Variants in R3HDM2 observed in about 807,000 individuals in gnomAD.
The protein encoded by R3HDM2 is R3H domain-containing protein 2.
A neutral mutation model predicts 124.5 loss-of-function variants in R3HDM2; 38 were observed. The ratio of observed to expected loss-of-function variants is 0.31; its 90% CI spans 0.24 to 0.40. The LOEUF is 0.40. R3HDM2 is among the 10% of genes least tolerant of loss of function. R3HDM2 has a pLI of 1.00. For missense variants in R3HDM2, 869 were observed against 1,236.9 expected, an observed-to-expected ratio of 0.70 and a Z score of 4.46; for synonymous variants, 391 against 448.0, an observed-to-expected ratio of 0.87 and a Z score of 1.61.
At chr12:57,308,815 T>C (rs1037432673) in intron 3 of R3HDM2, among the ~76,000 whole-genome samples, 1 of 152,260 alleles carries the variant, frequency 6.6e-6, no homozygotes, top group Non-Finnish European at 1.5e-5. Context: ...CAAAAGGTCA[T>C]TTAATTATTA....
At position 57,317,647 on chromosome 12, in the gene R3HDM2, A is replaced by G. The variant is rs1324580723; in HGVS notation, c.-35-7184T>C. Among the ~76,000 whole-genome samples the G allele has an allele frequency of 1.2e-4, 16 of 138,352 alleles. No homozygotes were observed. The South Asian group carries it at 1.7e-3, about 14-fold the overall frequency. The allele number at this position is 138,352 out of a possible 152,430, so 90.8% of individuals were successfully genotyped here. On this transcript the variant is annotated intron_variant, in intron 2 of 23. Transcript: ENST00000402412. ...TGGGAGATAGTTAAAAAAAAAAAAAAGGGTATATTAAGAAGATAGTTAAAA... is the reference window on the plus strand; with the variant it reads ...TGGGAGATAGTTAAAAAAAAAAAAAGGGGTATATTAAGAAGATAGTTAAAA...
At chr12:57,306,414 ATT>A (rs34606531) in intron 3 of R3HDM2, among the ~76,000 whole-genome samples, 55,607 of 149,338 alleles carry the variant, frequency 0.37, 11,611 homozygotes, top group Middle Eastern at 0.75. Context: ...CAAGTTGGCT[ATT>A]TTTTTTTTTT....
intron 17 of R3HDM2, chr12:57,268,693 A>G: frequency 2.9e-6 from 2 of 694,080 alleles, no homozygotes; most frequent in Non-Finnish European, 4.7e-6. Context: ...TCCTTTAGCC[A>G]CTACTTTCCT....
chr12:57,295,602 C>T, intron 9 of R3HDM2, 95 bp from the exon 10 acceptor site: 2 of 805,110 alleles, frequency 2.5e-6, no homozygotes, highest in Non-Finnish European at 4.0e-6. Flanking sequence ...AATTACACAA[C>T]TCACACTCAG....
At chr12:57,268,897 C>A (rs770340418) in intron 17 of R3HDM2, 25 bp downstream of exon 17, 1 of 1,609,074 alleles carries the variant, frequency 6.2e-7, no homozygotes, top group Non-Finnish European at 8.5e-7. Context: ...CTGGGGTGAT[C>A]CTTCCCAATG....
chr12:57,326,061 G>A (rs1273996897), intron 2 of R3HDM2, among the ~76,000 whole-genome samples: 1 of 152,066 alleles, frequency 6.6e-6, no homozygotes, highest in Non-Finnish European at 1.5e-5. Flanking sequence ...CTGTTTGGGG[G>A]CACCAGGAAC....
chr12:57,397,955 G>A (rs1268767531), intron 1 of R3HDM2, among the ~76,000 whole-genome samples: 6 of 152,266 alleles, frequency 3.9e-5, no homozygotes, highest in South Asian at 4.1e-4. Flanking sequence ...AGGCTAAGGC[G>A]GGCGAATCAC....
chr12:57,397,632 G>C (rs749532249), intron 1 of R3HDM2, among the ~76,000 whole-genome samples: 1 of 152,086 alleles, frequency 6.6e-6, no homozygotes, highest in Non-Finnish European at 1.5e-5. Flanking sequence ...ACTAGTGCTG[G>C]TCCTAAAACA....
intron 1 of R3HDM2, among the ~76,000 whole-genome samples, chr12:57,420,869 A>G (rs1452625282): frequency 2.0e-5 from 3 of 151,996 alleles, no homozygotes; most frequent in Non-Finnish European, 4.4e-5. Context: ...TCCAGTCCCA[A>G]CTTCTCTGAC....
chr12:57,300,516 A>C (rs2050881164), intron 4 of R3HDM2, among the ~76,000 whole-genome samples: 1 of 152,224 alleles, frequency 6.6e-6, no homozygotes, highest in Non-Finnish European at 1.5e-5. Context: ...GCAACATAGC[A>C]TAGTAGAAAG....
chr12:57,359,043 G>A (rs903184909), intron 2 of R3HDM2, among the ~76,000 whole-genome samples: 5 of 151,570 alleles, frequency 3.3e-5, no homozygotes, highest in African/African-American at 1.2e-4. Context: ...TCAGCCTCCC[G>A]AGTAGCTGGG....
intron 2 of R3HDM2, among the ~76,000 whole-genome samples, chr12:57,328,111 A>AC (rs2057575303): frequency 6.7e-6 from 1 of 149,880 alleles, no homozygotes. Context: ...TCGTTCTGTC[A>AC]CCCAGGCTGG....
chr12:57,406,020 A>G (rs930600289), intron 1 of R3HDM2, among the ~76,000 whole-genome samples: 4 of 152,136 alleles, frequency 2.6e-5, no homozygotes, highest in Non-Finnish European at 5.9e-5. Flanking sequence ...TGAGACATTA[A>G]TAAGGATAAA....
intron 2 of R3HDM2, among the ~76,000 whole-genome samples, chr12:57,382,541 C>CAAAAAAA (rs1222419669): frequency 2.5e-5 from 1 of 40,148 alleles, no homozygotes; most frequent in African/African-American, 9.0e-5. Flanking sequence ...GCCCAGCCTA[C>CAAAAAAA]AAAAAAAAAA....
intron 1 of R3HDM2, among the ~76,000 whole-genome samples, chr12:57,429,015 G>A (rs1179789334): frequency 6.6e-6 from 1 of 152,028 alleles, no homozygotes; most frequent in Non-Finnish European, 1.5e-5. Context: ...CCAAAGTGCT[G>A]CGATTACAGC....
intron 12 of R3HDM2, among the ~76,000 whole-genome samples, chr12:57,288,030 T>C (rs2047738536): frequency 1.3e-5 from 2 of 151,278 alleles, no homozygotes; most frequent in African/African-American, 4.9e-5. Flanking sequence ...TTTTTTTTTT[T>C]TTTGAGACAG....
chr12:57,394,369 G>A (rs1357328133), intron 2 of R3HDM2, among the ~76,000 whole-genome samples: 1 of 152,040 alleles, frequency 6.6e-6, no homozygotes, highest in Non-Finnish European at 1.5e-5. Flanking sequence ...AGCACTTTGG[G>A]TGGCTGAGGT....
intron 2 of R3HDM2, among the ~76,000 whole-genome samples, chr12:57,350,200 ACT>A (rs1215688448): frequency 2.0e-5 from 3 of 152,114 alleles, no homozygotes; most frequent in African/African-American, 7.2e-5. Context: ...ACAGAGCAAG[ACT>A]CTGTCTCAAA....
intron 2 of R3HDM2, among the ~76,000 whole-genome samples, chr12:57,388,479 T>C (rs2138600137): frequency 6.6e-6 from 1 of 152,298 alleles, no homozygotes; most frequent in East Asian, 1.9e-4. Flanking sequence ...ACACAAAGGC[T>C]TGCTTGCTGG....
Sources: allele counts gnomAD v4.1 joint callset (sites outside exome capture counted in the v4.1 genomes callset), GRCh38; gene constraint gnomAD v4.1.1; transcripts MANE v1.5; gene names NCBI Gene and HGNC (gene_info 2026-07-23, HGNC 2026-07-21).